EIF3B: variants seen among roughly 807,000 people sequenced by gnomAD.
The protein encoded by EIF3B is eukaryotic translation initiation factor 3 subunit 9.
EIF3B carries 10 observed loss-of-function variants against 104.6 expected under a neutral mutation model. That is an observed-to-expected ratio of 0.10 (90% confidence interval 0.06 to 0.16). EIF3B has a LOEUF of 0.16. EIF3B is among the 10% of genes least tolerant of loss of function. The pLI is 1.00. For synonymous variants in EIF3B, 542 were observed against 417.2 expected (o/e 1.30, Z -3.65); for missense variants, 1,014 against 1,087.9 (o/e 0.93, Z 0.96).
chr7:2,360,682 G>A (rs760127478), intron 1 of EIF3B, 28 bp from the exon 2 acceptor site: 1 of 1,549,278 alleles, frequency 6.5e-7, no homozygotes, highest in Non-Finnish European at 8.8e-7. Flanking sequence ...TGGTAAAAAT[G>A]ATCATTTGAA....
chr7:2,375,088 T>A, intron 13 of EIF3B: 1 of 433,346 alleles, frequency 2.3e-6, no homozygotes, highest in Non-Finnish European at 4.2e-6. Context: ...TACCCTTTTG[T>A]TGCTGCTCTC....
chr7:2,379,926 G>A (rs1264176925), intron 18 of EIF3B: 4 of 260,524 alleles, frequency 1.5e-5, no homozygotes, highest in Non-Finnish European at 2.3e-5. Context: ...TCGGGGGCTG[G>A]GGAGCAGAGT....
chr7:2,375,714 G>A (rs190801204), intron 14 of EIF3B, among the ~76,000 whole-genome samples, 187 bp downstream of exon 14: 3 of 152,206 alleles, frequency 2.0e-5, no homozygotes, highest in Admixed American at 2.0e-4. Flanking sequence ...GGCGCCGAGT[G>A]CAGGAGCAGC....
At chr7:2,378,514 A>C in intron 15 of EIF3B, 175 bp from the exon 16 acceptor site, 4 of 477,462 alleles carry the variant, frequency 8.4e-6, no homozygotes, top group Non-Finnish European at 7.4e-6. Flanking sequence ...GCTGCTGGGA[A>C]GCTGTGTTGT....
intron 11 of EIF3B, chr7:2,372,304 G>A (rs1368814534): frequency 1.7e-5 from 4 of 238,274 alleles, no homozygotes; most frequent in East Asian, 1.8e-4. Flanking sequence ...GTGAGAAAAT[G>A]GGAAACATGG....
chr7:2,375,571 G>A, intron 14 of EIF3B, 44 bp downstream of exon 14: 1 of 1,612,390 alleles, frequency 6.2e-7, no homozygotes, highest in Non-Finnish European at 8.5e-7. Context: ...ATAGAAGCAG[G>A]GAGTGCTGGC....
chr7:2,372,545 G>C, intron 11 of EIF3B, 128 bp from the exon 12 acceptor site: 1 of 1,201,362 alleles, frequency 8.3e-7, no homozygotes, highest in South Asian at 1.5e-5. Context: ...TTGCTCTCCC[G>C]TCCTTTTAAT....
At position 2,355,467 on chromosome 7, in the gene EIF3B, TG is replaced by T. The variant is rs994463014; in HGVS notation, c.499+51del. 2.9e-6 allele frequency: 4 copies of T among 1,401,926 alleles called. No homozygotes were observed. The African/African-American group carries it at 6.0e-5, about 21-fold the overall frequency. The allele number at this position is 1,401,926 out of a possible 1,614,324, so 86.8% of individuals were successfully genotyped here. On this transcript the variant is annotated intron_variant, in intron 1 of 18. Coordinates refer to ENST00000360876, the MANE Select transcript of EIF3B (RefSeq NM_001037283.2). ...CTGGCGAGCGGCGCGGGAGCGTGGC[TG>T]GGGTTCCCGAGGTGGGAGATATCGT...
intron 16 of EIF3B, 67 bp downstream of exon 16, chr7:2,378,833 G>T: frequency 7.1e-7 from 1 of 1,400,124 alleles, no homozygotes; most frequent in Non-Finnish European, 1.0e-6. Flanking sequence ...GCGGGGCTGC[G>T]GGGAGCTGCT....
chr7:2,377,437 C>A (rs562265978), intron 15 of EIF3B, among the ~76,000 whole-genome samples: 1 of 152,178 alleles, frequency 6.6e-6, no homozygotes. Flanking sequence ...GGTTAAATCC[C>A]AGGGAGAAAG....
intron 1 of EIF3B, among the ~76,000 whole-genome samples, chr7:2,356,581 C>T (rs1336212320): frequency 2.8e-5 from 4 of 140,592 alleles, no homozygotes; most frequent in Non-Finnish European, 6.0e-5. Context: ...CCATCCTGGG[C>T]GACAGAGCAA....
At position 2,372,664 on chromosome 7, in the gene EIF3B, G is replaced by A; in HGVS notation, c.1688-9G>A. ...CCAAAAAGGGAGGGGTCTGTTTTGT[G>A]CATTTTAGAAACCATCATAGCCTTT... On this transcript the variant is annotated splice_polypyrimidine_tract_variant and intron_variant, in intron 11 of 18. Transcript: ENST00000360876. 7 of 1,613,318 alleles carry A rather than the reference G, an allele frequency of 4.3e-6. No individual in the cohort carries two copies. The highest frequency in any genetic ancestry group is 5.9e-6 in the Non-Finnish European group (7 of 1,179,476).
At chr7:2,364,623 G>A in intron 6 of EIF3B, 94 bp downstream of exon 6, 1 of 1,244,078 alleles carries the variant, frequency 8.0e-7, no homozygotes, top group Non-Finnish European at 1.1e-6. Context: ...TTCAAACTTA[G>A]TAGAAAAATA....
In EIF3B at chr7:2,369,460, C is replaced by T. The variant is rs915743522; in HGVS notation, c.1404-12C>T. ...GGTCTTTGCTTTAACATTTTATTTTCCTGTTCTGCAGAGACTTTTCTTGGT... is the reference window on the plus strand; with the variant it reads ...GGTCTTTGCTTTAACATTTTATTTTTCTGTTCTGCAGAGACTTTTCTTGGT... On this transcript the variant is annotated splice_polypyrimidine_tract_variant and intron_variant, in intron 9 of 18. Transcript: ENST00000360876. 3.7e-6 allele frequency: 6 copies of T among 1,613,280 alleles called. No individual in the cohort carries two copies. Among genetic ancestry groups the T allele is most frequent in the Non-Finnish European group, 4.2e-6 (5 of 1,179,530 alleles).
At chr7:2,374,044 G>C (rs1266247022) in intron 12 of EIF3B, 1 of 153,166 alleles carries the variant, frequency 6.5e-6, no homozygotes, top group Non-Finnish European at 1.5e-5. Flanking sequence ...GCCCCAGCTG[G>C]CCTTCACTTC....
In EIF3B at chr7:2,360,585, T is replaced by C. The variant is rs1475469597; in HGVS notation, c.500-125T>C. 6 of 748,780 alleles carry C rather than the reference T, an allele frequency of 8.0e-6. No homozygotes were observed. The African/African-American group carries it at 8.8e-5, about 11-fold the overall frequency. The allele number at this position is 748,780 out of a possible 1,614,324, so 46.4% of individuals were successfully genotyped here. On this transcript the variant is annotated intron_variant, in intron 1 of 18. Transcript: ENST00000360876. The stretch of plus-strand genomic sequence containing the variant: ...AAACAAGCTAGGGTTAGGATTTCTT[T>C]TGCTCACAGTGAAAGCATTTAGACA...
rs1012310353 is a variant in EIF3B at position 2,380,421 on chromosome 7, G to A, written c.*232G>A. On this transcript the variant is annotated 3_prime_UTR_variant, in exon 19 of 19. Transcript: ENST00000360876. ...ACATTTTTGTGCCTTTCAGCCCCTG[G>A]TGTCTGCAGTGGGGGATTTAAGGCA... 1.9e-6 allele frequency: 1 copy of A among 518,442 alleles called. No individual in the cohort carries two copies. The highest frequency in any genetic ancestry group is 1.9e-5 in the African/African-American group (1 of 52,062). 32.1% of individuals were successfully genotyped at this position (518,442 alleles called of 1,614,324 possible).
At chr7:2,369,939 G>T (rs1780233593) in intron 10 of EIF3B, among the ~76,000 whole-genome samples, 1 of 151,718 alleles carries the variant, frequency 6.6e-6, no homozygotes, top group South Asian at 2.1e-4. Context: ...ACCACGCTTG[G>T]CTAATTTTTG....
chr7:2,365,178 T>C (rs1486191318), intron 6 of EIF3B, among the ~76,000 whole-genome samples: 1 of 152,238 alleles, frequency 6.6e-6, no homozygotes, highest in Non-Finnish European at 1.5e-5. Flanking sequence ...CTTGAACCCC[T>C]GGGCTCAAGT....
Sources: allele counts gnomAD v4.1 joint callset (sites outside exome capture counted in the v4.1 genomes callset), GRCh38; gene constraint gnomAD v4.1.1; transcripts MANE v1.5; gene names NCBI Gene and HGNC (gene_info 2026-07-23, HGNC 2026-07-21).